The following CCDC149 variants were observed in gnomAD, a reference collection of about 807,000 sequenced individuals.
CCDC149 encodes coiled-coil domain containing 149, also known as coiled-coil domain-containing protein 149.
Under a neutral mutation model 59.9 loss-of-function variants are expected in CCDC149, and 45 were observed. That is an observed-to-expected ratio of 0.75 (90% confidence interval 0.59 to 0.96). CCDC149 has a LOEUF of 0.96. Ranked by LOEUF, CCDC149 falls within the 40% of genes least tolerant of loss-of-function variation. The pLI, the probability that CCDC149 is intolerant of heterozygous loss-of-function variation, is 0.00. For missense variants in CCDC149, 584 were observed against 664.7 expected (o/e 0.88, Z 1.33); for synonymous variants, 245 against 260.6 (o/e 0.94, Z 0.58).
intron 3 of CCDC149, among the ~76,000 whole-genome samples, chr4:24,873,305 A>G (rs1447165985): frequency 2.0e-5 from 3 of 151,876 alleles, no homozygotes; most frequent in African/African-American, 7.3e-5. Flanking sequence ...CCCACTAAAC[A>G]GTATATATCC....
At chr4:24,979,270 T>C (rs990000962) in intron 1 of CCDC149, among the ~76,000 whole-genome samples, 2 of 152,208 alleles carry the variant, frequency 1.3e-5, no homozygotes, top group African/African-American at 2.4e-5. Context: ...ATTTCCAGCT[T>C]GGGTGTACAC....
chr4:24,886,786 C>T (rs1174869237), intron 1 of CCDC149, among the ~76,000 whole-genome samples: 3 of 152,238 alleles, frequency 2.0e-5, no homozygotes, highest in East Asian at 1.9e-4. Flanking sequence ...CAGGGCGAGG[C>T]TCACGTGGCT....
intron 1 of CCDC149, among the ~76,000 whole-genome samples, chr4:24,880,741 C>T (rs994375319): frequency 3.3e-5 from 5 of 152,286 alleles, no homozygotes; most frequent in African/African-American, 1.2e-4. Context: ...TGTGCTCAGG[C>T]TATTTAGGCT....
rs1716671121 is a variant in CCDC149 at position 24,838,205 on chromosome 4, G to A, written c.440C>T (p.Ala147Val). 1 of 1,614,130 alleles carries A rather than the reference G, an allele frequency of 6.2e-7. No individual in the cohort carries two copies. The highest frequency in any genetic ancestry group is 8.5e-7 in the Non-Finnish European group (1 of 1,180,024). ...CTGCACCAAGTCTTCACGCTCATGG[G>A]CTGCAAAGTGTCGCACGCCGATTGC... Residue 147 changes from alanine (A) to valine (V), a missense_variant, in exon 5 of 13, where the codon GCC becomes GTC. Ala to Val is a moderately conservative substitution (Grantham distance 64, BLOSUM62 0). Transcript: ENST00000635206.
intron 4 of CCDC149, among the ~76,000 whole-genome samples, chr4:24,849,103 C>A (rs1315535761): frequency 6.6e-6 from 1 of 152,112 alleles, no homozygotes; most frequent in African/African-American, 2.4e-5. Flanking sequence ...GATCCCCTTT[C>A]CCTGAATCCA....
chr4:24,851,492 A>G (rs1298995479), intron 4 of CCDC149, among the ~76,000 whole-genome samples: 7 of 152,326 alleles, frequency 4.6e-5, no homozygotes, highest in Non-Finnish European at 4.4e-5. Flanking sequence ...TCATACCTAA[A>G]AGGCAAAAGA....
chr4:24,882,603 C>A (rs1163916271), intron 1 of CCDC149, among the ~76,000 whole-genome samples: 1 of 152,184 alleles, frequency 6.6e-6, no homozygotes, highest in Non-Finnish European at 1.5e-5. Flanking sequence ...GTGACCTAAG[C>A]TGATGAGAGG....
At chr4:24,836,269 T>C (rs1335969131) in intron 7 of CCDC149, among the ~76,000 whole-genome samples, 167 bp downstream of exon 7, 2 of 152,222 alleles carry the variant, frequency 1.3e-5, no homozygotes, top group African/African-American at 4.8e-5. Context: ...GTTTGTTGTT[T>C]GGGATTTTAA....
intron 3 of CCDC149, among the ~76,000 whole-genome samples, chr4:24,861,312 G>A (rs1319134504): frequency 6.6e-6 from 1 of 151,438 alleles, no homozygotes; most frequent in African/African-American, 2.4e-5. Context: ...CCATAAAGAG[G>A]AACAAAATAA....
chr4:24,812,008 C>T (rs1354478055), intron 12 of CCDC149, among the ~76,000 whole-genome samples: 5 of 152,214 alleles, frequency 3.3e-5, no homozygotes, highest in African/African-American at 1.2e-4. Flanking sequence ...CTGCATCCTT[C>T]CAATCTCTGC....
At chr4:24,806,032 T>A (rs1714140966), downstream of CCDC149, 1 of 152,202 alleles carries the variant, frequency 6.6e-6, no homozygotes, top group Non-Finnish European at 1.5e-5. Flanking sequence ...GGACCATGAC[T>A]GATGCAGGGT....
chr4:24,933,868 C>A (rs1161382344), intron 1 of CCDC149, among the ~76,000 whole-genome samples: 1 of 152,174 alleles, frequency 6.6e-6, no homozygotes, highest in Non-Finnish European at 1.5e-5. Flanking sequence ...GAGGGCTCAG[C>A]TGGATGGTTC....
intron 12 of CCDC149, among the ~76,000 whole-genome samples, chr4:24,818,187 G>C (rs559840367): frequency 2.0e-5 from 3 of 152,284 alleles, no homozygotes; most frequent in African/African-American, 7.2e-5. Flanking sequence ...TGTAGATGGA[G>C]ATGGAAGGTT....
In CCDC149 at chr4:24,844,115, C is replaced by T. The variant is rs140323838; in HGVS notation, c.373-5843G>A. Among the ~76,000 whole-genome samples the T allele has an allele frequency of 2.3e-3, 342 of 150,900 alleles. 1 individual carries two copies. The highest frequency in any genetic ancestry group is 7.9e-3 in the African/African-American group (326 of 41,022). ...GAGGCATTCATCCCCAAGCCACTCT[C>T]AATCCACACTGCCCTGCCTCTCTGT... is the stretch of plus-strand genomic sequence containing the variant. On this transcript the variant is annotated intron_variant, in intron 4 of 12. Coordinates refer to ENST00000635206, the MANE Select transcript of CCDC149 (RefSeq NM_001330643.2).
intron 1 of CCDC149, among the ~76,000 whole-genome samples, chr4:24,909,682 G>A (rs1721758323): frequency 6.6e-6 from 1 of 152,218 alleles, no homozygotes; most frequent in East Asian, 1.9e-4. Context: ...TTGAATCATG[G>A]GGCTAGTTTC....
At chr4:24,954,332 T>C (rs1406793636) in intron 1 of CCDC149, among the ~76,000 whole-genome samples, 1 of 152,066 alleles carries the variant, frequency 6.6e-6, no homozygotes, top group African/African-American at 2.4e-5. Flanking sequence ...GTTCTACAGT[T>C]CTGAGGTCTC....
chr4:24,813,657 G>A lies in CCDC149; in HGVS notation c.1193-4838C>T, dbSNP rs530453372. ...TAATACAACATAAAAGTATTGATACGATATAAAAGTATTGATTGATATGCA... is the reference window on the plus strand; with the variant it reads ...TAATACAACATAAAAGTATTGATACAATATAAAAGTATTGATTGATATGCA... On this transcript the variant is annotated intron_variant, in intron 12 of 12. Coordinates refer to ENST00000635206, the MANE Select transcript of CCDC149 (RefSeq NM_001330643.2). Among the ~76,000 whole-genome samples, 7 of 151,840 alleles carry A rather than the reference G, an allele frequency of 4.6e-5. No homozygotes were observed. The South Asian group carries it at 1.0e-3, about 23-fold the overall frequency.
intron 1 of CCDC149, among the ~76,000 whole-genome samples, chr4:24,880,500 G>A (rs1577444683): frequency 6.6e-6 from 1 of 152,206 alleles, no homozygotes; most frequent in East Asian, 1.9e-4. Flanking sequence ...TGGAGAATGA[G>A]GTGAAATTTC....
intron 1 of CCDC149, among the ~76,000 whole-genome samples, chr4:24,942,962 G>T (rs2109349586): frequency 6.6e-6 from 1 of 151,540 alleles, no homozygotes; most frequent in East Asian, 1.9e-4. Context: ...CGTGAAAATG[G>T]CCATACTGCC....
Sources: gnomAD v4.1 joint callset for allele counts (sites outside exome capture counted in the v4.1 genomes callset) on GRCh38, gnomAD v4.1.1 for gene constraint, MANE v1.5 for transcripts, NCBI Gene and HGNC (gene_info 2026-07-23, HGNC 2026-07-21) for gene names.